Variants in GTF2I observed in about 807,000 individuals in gnomAD.
GTF2I encodes the protein general transcription factor IIi, also known as general transcription factor II-I.
In GTF2I, 12 loss-of-function variants were observed where a neutral mutation model predicts 67.6. The observed-to-expected ratio is 0.18, with a 90% CI of 0.11 to 0.29. GTF2I has a LOEUF of 0.29. Ranked by LOEUF, GTF2I falls within the 10% of genes least tolerant of loss-of-function variation. The probability of loss-of-function intolerance (pLI) is 1.00; values close to 1 mark genes in which losing one functional copy is unlikely to be tolerated. For synonymous variants in GTF2I, 149 were observed against 197.0 expected (o/e 0.76, Z 2.04); for missense variants, 271 against 580.1 (o/e 0.47, Z 5.47).
chr7:74,661,507 C>T (rs1043222911), intron 1 of GTF2I, among the ~76,000 whole-genome samples: 1 of 151,906 alleles, frequency 6.6e-6, no homozygotes, highest in Non-Finnish European at 1.5e-5. Context: ...GGCGAAACCC[C>T]GTCTGTACTA....
chr7:74,679,223 C>A (rs587677547), intron 1 of GTF2I, among the ~76,000 whole-genome samples: 9 of 151,324 alleles, frequency 5.9e-5, no homozygotes, highest in African/African-American at 1.7e-4. Context: ...GGATTACAGG[C>A]GCCCACCACA....
intron 1 of GTF2I, among the ~76,000 whole-genome samples, chr7:74,665,511 C>G (rs1804900270): frequency 6.6e-6 from 1 of 151,538 alleles, no homozygotes; most frequent in Non-Finnish European, 1.5e-5. Flanking sequence ...CTCAGCCTCT[C>G]AAAGGCTGGG....
At chr7:74,716,657 C>T (rs1345823928) in intron 10 of GTF2I, 2 of 396,070 alleles carry the variant, frequency 5.0e-6, no homozygotes, top group East Asian at 7.9e-5. Flanking sequence ...AATCCCCAAA[C>T]CTACTTAGGT....
intron 10 of GTF2I, 88 bp from the exon 11 acceptor site, chr7:74,716,806 A>G (rs1792321157): frequency 3.6e-6 from 3 of 825,882 alleles, no homozygotes; most frequent in Non-Finnish European, 4.0e-6. Flanking sequence ...ATTATGTCTT[A>G]GATTGTTTGC....
intron 12 of GTF2I, among the ~76,000 whole-genome samples, chr7:74,722,443 C>T (rs587665736): frequency 1.5e-4 from 23 of 152,224 alleles, no homozygotes; most frequent in African/African-American, 4.6e-4. Flanking sequence ...AGACTTGTTT[C>T]AGGTCTAGCT....
chr7:74,726,882 T>TAGATAGAA (rs1554405790), intron 12 of GTF2I: 2 of 144,722 alleles, frequency 1.4e-5, no homozygotes, highest in African/African-American at 2.6e-5. Context: ...GATAGATAGA[T>TAGATAGAA]AGAATGAGAC....
chr7:74,668,190 T>TC (rs2131203831), intron 1 of GTF2I, among the ~76,000 whole-genome samples: 1 of 149,566 alleles, frequency 6.7e-6, no homozygotes, highest in South Asian at 2.1e-4. Flanking sequence ...TTTTTTTTTT[T>TC]TTTTTTGAGA....
At chr7:74,679,623 ATTGT>A (rs1468452988) in intron 1 of GTF2I, among the ~76,000 whole-genome samples, 8 of 152,108 alleles carry the variant, frequency 5.3e-5, no homozygotes, top group African/African-American at 1.7e-4. Flanking sequence ...CCATTCTTTG[ATTGT>A]TATTATGCAT....
intron 6 of GTF2I, among the ~76,000 whole-genome samples, chr7:74,703,911 T>C (rs1017885442): frequency 1.3e-5 from 2 of 152,338 alleles, no homozygotes; most frequent in Non-Finnish European, 2.9e-5. Context: ...AGACCGTCCT[T>C]TCCCTCAAGA....
intron 12 of GTF2I, among the ~76,000 whole-genome samples, chr7:74,723,837 T>A (rs1793422371): frequency 1.3e-5 from 2 of 150,902 alleles, no homozygotes; most frequent in South Asian, 4.2e-4. Flanking sequence ...ACGTGGTGAC[T>A]ATGTTGAGAA....
rs1554400691 is a variant in GTF2I, at chr7:74,704,296, T to TTTATTTATTTA, written c.587-866_587-865insATTTATTTATT. Among the ~76,000 whole-genome samples, 52 of 16,964 alleles carry TTTATTTATTTA rather than the reference T, an allele frequency of 3.1e-3. No homozygotes were observed. The East Asian group carries it at 0.042, about 14-fold the overall frequency. 11.1% of individuals were successfully genotyped at this position (16,964 alleles called of 152,430 possible). A position where few individuals can be genotyped will look rare whatever the true frequency, so the allele number is the denominator to read the frequency against. ...TATTTATTTATTTATTTATTTATTT[T>TTTATTTATTTA]TTTATTTATTTTGAGATGGAGTCTT... On this transcript the variant is annotated intron_variant, in intron 6 of 34. Transcript: ENST00000573035.
chr7:74,724,840 G>C (rs1793549557), intron 12 of GTF2I, among the ~76,000 whole-genome samples: 1 of 152,158 alleles, frequency 6.6e-6, no homozygotes, highest in African/African-American at 2.4e-5. Flanking sequence ...AGAATTGCTT[G>C]AACCCAGGAA....
chr7:74,685,506 A>T (rs1787631289), intron 1 of GTF2I, among the ~76,000 whole-genome samples: 1 of 151,756 alleles, frequency 6.6e-6, no homozygotes, highest in Non-Finnish European at 1.5e-5. Flanking sequence ...CAAAACAAAA[A>T]CAAAAGGCCG....
At chr7:74,721,223 T>C (rs113311788) in intron 12 of GTF2I, among the ~76,000 whole-genome samples, 13 of 152,194 alleles carry the variant, frequency 8.5e-5, no homozygotes, top group African/African-American at 3.1e-4. Flanking sequence ...GTATTTTTAA[T>C]AGAGACAGGG....
intron 6 of GTF2I, among the ~76,000 whole-genome samples, chr7:74,704,268 TTTTATTTA>T (rs55926323): frequency 1.4e-5 from 2 of 144,310 alleles, no homozygotes; most frequent in Non-Finnish European, 3.0e-5. Context: ...TAATTATTAT[TTTTATTTA>T]TTTATTTATT....
intron 1 of GTF2I, among the ~76,000 whole-genome samples, chr7:74,661,880 C>T (rs1351639894): frequency 6.6e-6 from 1 of 152,060 alleles, no homozygotes; most frequent in Non-Finnish European, 1.5e-5. Context: ...GGAAGTTTGG[C>T]TTTTTTCCCA....
At chr7:74,671,470 G>A (rs587613385) in intron 1 of GTF2I, among the ~76,000 whole-genome samples, 1 of 149,178 alleles carries the variant, frequency 6.7e-6, no homozygotes, top group South Asian at 2.1e-4. Context: ...TGTCTGAAGT[G>A]TCTTGTTTTT....
intron 1 of GTF2I, among the ~76,000 whole-genome samples, chr7:74,662,670 G>C (rs1001108272): frequency 6.6e-6 from 1 of 151,374 alleles, no homozygotes; most frequent in Non-Finnish European, 1.5e-5. Context: ...TTACAAGCAC[G>C]CACCACCACG....
At chr7:74,679,201 C>A (rs1554393355) in intron 1 of GTF2I, among the ~76,000 whole-genome samples, 2 of 151,882 alleles carry the variant, frequency 1.3e-5, no homozygotes, top group African/African-American at 4.8e-5. Context: ...GCCTCAGCCT[C>A]CTGAGTAGCT....
Sources: gnomAD v4.1 joint callset for allele counts (sites outside exome capture counted in the v4.1 genomes callset) on GRCh38, gnomAD v4.1.1 for gene constraint, MANE v1.5 for transcripts, NCBI Gene and HGNC (gene_info 2026-07-23, HGNC 2026-07-21) for gene names.